TIA1: variants seen among roughly 807,000 people sequenced by gnomAD.
The protein encoded by TIA1 is TIA1 cytotoxic granule associated RNA binding protein, also known as cytotoxic granule associated RNA binding protein TIA1.
Under a neutral mutation model 65.9 loss-of-function variants are expected in TIA1, and 23 were observed. That is an observed-to-expected ratio of 0.35 (90% CI 0.25 to 0.49). The LOEUF is 0.49. TIA1 is among the 20% of genes least tolerant of loss of function. TIA1 has a pLI of 0.98. For synonymous variants in TIA1, 147 were observed against 149.4 expected, an observed-to-expected ratio of 0.98 and a Z score of 0.12; for missense variants, 371 against 477.9, an observed-to-expected ratio of 0.78 and a Z score of 2.09.
chr2:70,212,165 A>G lies in TIA1; in HGVS notation c.*554T>C, dbSNP rs1001475925. On this transcript the variant is annotated 3_prime_UTR_variant, in exon 13 of 13. Coordinates refer to ENST00000433529, the MANE Select transcript of TIA1 (RefSeq NM_022173.4). ...AATTTGTGAAAAAAGATGTAGATAC[A>G]AAAATGATGTAAACTAATAATTTAT... The G allele has an allele frequency of 5.9e-5, 9 of 152,654 alleles. No individual in the cohort carries two copies. Among genetic ancestry groups the G allele is most frequent in the African/African-American group, 2.2e-4 (9 of 41,472 alleles). 9.5% of individuals were successfully genotyped at this position (152,654 alleles called of 1,614,324 possible). A position where few individuals can be genotyped will look rare whatever the true frequency, so the allele number is the denominator to read the frequency against.
chr2:70,242,811 T>A (rs75919725), intron 1 of TIA1, among the ~76,000 whole-genome samples: 543 of 152,168 alleles, frequency 3.6e-3, no homozygotes, highest in Admixed American at 6.9e-3. Context: ...GGATCTAGGT[T>A]GTGTGTTCCT....
At chr2:70,247,223 T>C (rs1220101353) in intron 1 of TIA1, among the ~76,000 whole-genome samples, 1 of 152,130 alleles carries the variant, frequency 6.6e-6, no homozygotes. Context: ...GAAAAGAAAT[T>C]TCAAGGTTAC....
chr2:70,219,266 A>C (rs999643234), intron 7 of TIA1, among the ~76,000 whole-genome samples: 4 of 152,232 alleles, frequency 2.6e-5, no homozygotes, highest in African/African-American at 9.6e-5. Context: ...ATGAAGGAAG[A>C]AAGCCACAAA....
At chr2:70,247,960 A>T (rs906989460) in intron 1 of TIA1, among the ~76,000 whole-genome samples, 1 of 152,156 alleles carries the variant, frequency 6.6e-6, no homozygotes, top group Non-Finnish European at 1.5e-5. Flanking sequence ...GAAGAAAATG[A>T]AAGGAAGAAT....
intron 12 of TIA1, 43 bp from the exon 13 acceptor site, chr2:70,212,888 C>G: frequency 7.4e-7 from 1 of 1,348,322 alleles, no homozygotes; most frequent in Non-Finnish European, 1.1e-6. Flanking sequence ...AGGAAATCCA[C>G]TGATTAAAAT....
chr2:70,224,519 T>A, intron 7 of TIA1, 35 bp downstream of exon 7: 1 of 1,613,506 alleles, frequency 6.2e-7, no homozygotes, highest in Non-Finnish European at 8.5e-7. Flanking sequence ...TCTTTACTCT[T>A]TAAGCATTAT....
At chr2:70,244,589 A>G (rs1286012737) in intron 1 of TIA1, among the ~76,000 whole-genome samples, 3 of 152,022 alleles carry the variant, frequency 2.0e-5, no homozygotes, top group Non-Finnish European at 2.9e-5. Flanking sequence ...TAATCCCAGC[A>G]CTTTGGGAGG....
chr2:70,229,188 T>A, intron 4 of TIA1, 76 bp downstream of exon 4: 8 of 1,587,892 alleles, frequency 5.0e-6, no homozygotes, highest in Non-Finnish European at 6.9e-6. Flanking sequence ...CAAACATGTA[T>A]GATGTTTATA....
intron 3 of TIA1, 142 bp from the exon 4 acceptor site, chr2:70,229,460 A>G: frequency 1.5e-6 from 1 of 656,952 alleles, no homozygotes; most frequent in Non-Finnish European, 2.6e-6. Context: ...TCAACACTTA[A>G]TCTTCTGACC....
At position 70,209,501 on chromosome 2, in the gene TIA1, T is replaced by C. The variant is rs1276665513; in HGVS notation, c.*3218A>G. On this transcript the variant is annotated 3_prime_UTR_variant, in exon 13 of 13. Coordinates refer to ENST00000433529, the MANE Select transcript of TIA1 (RefSeq NM_022173.4). ...GGCTCTTAAATTGAAACTCATCATT[T>C]TGGATGTACATTCAAATTCTAAACA... 5.0e-6 allele frequency: 2 copies of C among 397,872 alleles called. No individual in the cohort carries two copies. Among genetic ancestry groups the C allele is most frequent in the African/African-American group, 4.1e-5 (2 of 48,616 alleles). The allele number at this position is 397,872 out of a possible 1,614,324, so 24.6% of individuals were successfully genotyped here.
At chr2:70,230,399 C>CGAGATGT (rs1685704417) in intron 3 of TIA1, among the ~76,000 whole-genome samples, 1 of 151,832 alleles carries the variant, frequency 6.6e-6, no homozygotes, top group Non-Finnish European at 1.5e-5. Context: ...ATCTATAATC[C>CGAGATGT]CAACACTTTG....
intron 3 of TIA1, 104 bp downstream of exon 3, chr2:70,230,652 C>CAAA (rs5832003): frequency 0.028 from 19,083 of 677,634 alleles, 27 homozygotes; most frequent in East Asian, 0.088. Context: ...AATTTCATCT[C>CAAA]AAAAAAAAAA....
rs1398077980 is a variant in TIA1, at chr2:70,248,620, G to A, written c.-190C>T. The stretch of plus-strand genomic sequence containing the variant: ...CGGGAACAATGAAACCCCAATACAA[G>A]ATGGCGGCGAGCCGGGAGCCTAGGA... On this transcript the variant is annotated 5_prime_UTR_variant, in exon 1 of 13. Coordinates refer to ENST00000433529, the MANE Select transcript of TIA1 (RefSeq NM_022173.4). The A allele has an allele frequency of 1.3e-6, 1 of 756,400 alleles. No homozygotes were observed. The highest frequency in any genetic ancestry group is 1.8e-5 in the African/African-American group (1 of 56,816). The allele number at this position is 756,400 out of a possible 1,614,324, so 46.9% of individuals were successfully genotyped here.
chr2:70,214,227 A>G (rs1393628345), intron 12 of TIA1, 122 bp downstream of exon 12: 2 of 1,091,816 alleles, frequency 1.8e-6, no homozygotes, highest in African/African-American at 1.6e-5. Flanking sequence ...AGTTCTTTCA[A>G]GGCTATAGTT....
At chr2:70,213,640 T>C (rs779894251) in intron 12 of TIA1, among the ~76,000 whole-genome samples, 51 of 151,126 alleles carry the variant, frequency 3.4e-4, no homozygotes, top group African/African-American at 1.0e-3. Flanking sequence ...TGAGCCACCA[T>C]GCCCAACCAC....
At chr2:70,228,119 G>A (rs1684590380) in intron 5 of TIA1, among the ~76,000 whole-genome samples, 1 of 151,930 alleles carries the variant, frequency 6.6e-6, no homozygotes, top group African/African-American at 2.4e-5. Flanking sequence ...TAACATACAA[G>A]TTTCAGTTCT....
At chr2:70,212,977 A>G in intron 12 of TIA1, 132 bp from the exon 13 acceptor site, 1 of 628,420 alleles carries the variant, frequency 1.6e-6, no homozygotes, top group South Asian at 2.0e-5. Context: ...AAATAGAATA[A>G]TTTATGCTAG....
intron 11 of TIA1, 95 bp downstream of exon 11, chr2:70,215,276 G>T: frequency 6.6e-7 from 1 of 1,510,352 alleles, no homozygotes; most frequent in Non-Finnish European, 9.1e-7. Flanking sequence ...TATCATTTTA[G>T]CTAGAAACTT....
intron 2 of TIA1, among the ~76,000 whole-genome samples, chr2:70,234,963 G>A (rs1210859169): frequency 6.6e-6 from 1 of 152,030 alleles, no homozygotes; most frequent in African/African-American, 2.4e-5. Flanking sequence ...TGTCTTTTCT[G>A]GAGAAAAGAA....
Sources: gnomAD v4.1 joint callset for allele counts (sites outside exome capture counted in the v4.1 genomes callset) on GRCh38, gnomAD v4.1.1 for gene constraint, MANE v1.5 for transcripts, NCBI Gene and HGNC (gene_info 2026-07-23, HGNC 2026-07-21) for gene names.